The following RSU1 variants were observed in gnomAD, a reference collection of about 807,000 sequenced individuals.
The protein encoded by RSU1 is Ras suppressor protein 1.
A neutral mutation model predicts 31.1 loss-of-function variants in RSU1; 26 were observed. The observed-to-expected ratio is 0.84, with a 90% CI of 0.61 to 1.16. The LOEUF (loss-of-function observed/expected upper bound fraction) is 1.16, where lower values mean the gene tolerates loss of function less well. Among genes scored for constraint, RSU1 ranks in the 50% most tolerant of loss-of-function variants. RSU1 has a pLI of 0.00. For missense variants in RSU1, 320 were observed against 339.1 expected, an observed-to-expected ratio of 0.94 and a Z score of 0.44; for synonymous variants, 164 against 136.3, an observed-to-expected ratio of 1.20 and a Z score of -1.41.
chr10:16,642,171 A>G (rs1834453667), intron 8 of RSU1, among the ~76,000 whole-genome samples: 1 of 152,158 alleles, frequency 6.6e-6, no homozygotes, highest in African/African-American at 2.4e-5. Flanking sequence ...AGAGAGGAAT[A>G]CTGAAATCCA....
chr10:16,722,230 G>C (rs1012554738), intron 7 of RSU1, among the ~76,000 whole-genome samples: 1 of 152,126 alleles, frequency 6.6e-6, no homozygotes, highest in Non-Finnish European at 1.5e-5. Flanking sequence ...CAGAAAAACA[G>C]AGTACTGTTT....
intron 8 of RSU1, among the ~76,000 whole-genome samples, chr10:16,599,844 T>A (rs1833685956): frequency 6.6e-6 from 1 of 151,528 alleles, no homozygotes; most frequent in Non-Finnish European, 1.5e-5. Flanking sequence ...TAGATCTTTC[T>A]GGGAAAGCTT....
intron 8 of RSU1, among the ~76,000 whole-genome samples, chr10:16,686,936 T>C (rs1250149357): frequency 6.6e-6 from 1 of 152,120 alleles, no homozygotes; most frequent in Non-Finnish European, 1.5e-5. Flanking sequence ...AAAATGCAAA[T>C]TGCATTGAGT....
chr10:16,660,662 T>TTTTTTG (rs1834871704), intron 8 of RSU1, among the ~76,000 whole-genome samples: 1 of 147,402 alleles, frequency 6.8e-6, no homozygotes, highest in Non-Finnish European at 1.5e-5. Flanking sequence ...TTTTTTTTTT[T>TTTTTTG]TTGAGGAAGG....
chr10:16,725,632 C>G (rs2131595045), intron 7 of RSU1, among the ~76,000 whole-genome samples: 1 of 151,862 alleles, frequency 6.6e-6, no homozygotes, highest in Non-Finnish European at 1.5e-5. Context: ...TGCCTTCTGT[C>G]ATGGGAGGAC....
intron 8 of RSU1, among the ~76,000 whole-genome samples, chr10:16,682,389 C>T (rs1028111573): frequency 6.6e-6 from 1 of 152,076 alleles, no homozygotes; most frequent in African/African-American, 2.4e-5. Flanking sequence ...GTCCTGATAT[C>T]CCGATATCTG....
At chr10:16,641,131 A>G (rs959297915) in intron 8 of RSU1, among the ~76,000 whole-genome samples, 1 of 152,216 alleles carries the variant, frequency 6.6e-6, no homozygotes. Flanking sequence ...ACAAACCTGC[A>G]CTTCCTGCCC....
intron 5 of RSU1, among the ~76,000 whole-genome samples, chr10:16,754,549 T>TG (rs913310488): frequency 4.1e-5 from 6 of 146,186 alleles, no homozygotes; most frequent in Non-Finnish European, 8.9e-5. Flanking sequence ...GAAGATACTT[T>TG]TTTTTTTTTT....
intron 7 of RSU1, among the ~76,000 whole-genome samples, chr10:16,716,775 T>C (rs1391429593): frequency 6.6e-6 from 1 of 152,176 alleles, no homozygotes; most frequent in African/African-American, 2.4e-5. Flanking sequence ...TGAAGCGTTA[T>C]TAAATTTTAA....
At chr10:16,642,152 T>G (rs995727781) in intron 8 of RSU1, among the ~76,000 whole-genome samples, 2 of 152,140 alleles carry the variant, frequency 1.3e-5, no homozygotes, top group Non-Finnish European at 2.9e-5. Context: ...ACCTGACGCA[T>G]CACCTGATAG....
chr10:16,729,888 A>G (rs1338115444), intron 7 of RSU1, among the ~76,000 whole-genome samples: 1 of 152,182 alleles, frequency 6.6e-6, no homozygotes, highest in Non-Finnish European at 1.5e-5. Context: ...AGACTTGGAA[A>G]GTGCTTGTGT....
chr10:16,701,692 C>A (rs1835798689), intron 7 of RSU1, among the ~76,000 whole-genome samples: 1 of 152,044 alleles, frequency 6.6e-6, no homozygotes, highest in Non-Finnish European at 1.5e-5. Flanking sequence ...ACAAGCAGCA[C>A]CTGATTTAAG....
Position 16,591,350 on chromosome 10 carries a change from T to C in RSU1, c.*2044A>G, listed in dbSNP as rs949550213. 5 of 152,202 alleles carry C rather than the reference T, an allele frequency of 3.3e-5. No homozygotes were observed. The highest frequency in any genetic ancestry group is 2.1e-4 in the South Asian group (1 of 4,830). The allele number at this position is 152,202 out of a possible 1,614,324, so 9.4% of individuals were successfully genotyped here. A position where few individuals can be genotyped will look rare whatever the true frequency, so the allele number is the denominator to read the frequency against. ...ATGCTATAAGGACAATTCCTAAACA[T>C]TGCAGTTTGTGGGGATCTCGGATAA... On this transcript the variant is annotated 3_prime_UTR_variant, in exon 9 of 9. Transcript: ENST00000345264.
At chr10:16,718,040 A>C (rs1204131863) in intron 7 of RSU1, among the ~76,000 whole-genome samples, 1 of 151,754 alleles carries the variant, frequency 6.6e-6, no homozygotes, top group East Asian at 1.9e-4. Flanking sequence ...AAAGAAAACA[A>C]TCAACAAACA....
At chr10:16,757,094 CGTGTGGGTAT>C (rs1043601973) in intron 4 of RSU1, among the ~76,000 whole-genome samples, 1 of 136,332 alleles carries the variant, frequency 7.3e-6, no homozygotes, top group South Asian at 2.4e-4. Flanking sequence ...GGGTGTGGTG[CGTGTGGGTAT>C]GTGTGGGTGT....
In RSU1 at chr10:16,645,992, GTGTATATATATGTGTA is replaced by G. The variant is rs1446223623; in HGVS notation, c.731+49015_731+49030del. 8.8e-4 allele frequency among the ~76,000 whole-genome samples: 47 copies of G among 53,446 alleles called. 9 individuals carry two copies. Among genetic ancestry groups the G allele is most frequent in the African/African-American group, 4.9e-3 (47 of 9,524 alleles). The allele number at this position is 53,446 out of a possible 152,430, so 35.1% of individuals were successfully genotyped here. ...TATATATATGTGTATATACATATAT[GTGTATATATATGTGTA>G]TATACATATATGTGTATATATATGT... is the stretch of plus-strand genomic sequence containing the variant. On this transcript the variant is annotated intron_variant, in intron 8 of 8. Transcript: ENST00000345264.
chr10:16,710,487 G>A (rs1835996073), intron 7 of RSU1, among the ~76,000 whole-genome samples: 1 of 152,014 alleles, frequency 6.6e-6, no homozygotes, highest in South Asian at 2.1e-4. Flanking sequence ...TTGTATCGTT[G>A]TCTGGTTTCA....
At chr10:16,763,659 A>G (rs1363192952) in intron 4 of RSU1, among the ~76,000 whole-genome samples, 1 of 152,144 alleles carries the variant, frequency 6.6e-6, no homozygotes, top group African/African-American at 2.4e-5. Flanking sequence ...TCAGACCCAG[A>G]ACCATCTTCC....
At chr10:16,672,544 T>C (rs1158952856) in intron 8 of RSU1, among the ~76,000 whole-genome samples, 1 of 151,988 alleles carries the variant, frequency 6.6e-6, no homozygotes, top group South Asian at 2.1e-4. Flanking sequence ...TGAAAAGATA[T>C]CAACTACTGA....
Sources: gnomAD v4.1 joint callset for allele counts (sites outside exome capture counted in the v4.1 genomes callset) on GRCh38, gnomAD v4.1.1 for gene constraint, MANE v1.5 for transcripts, NCBI Gene and HGNC (gene_info 2026-07-23, HGNC 2026-07-21) for gene names.